SLC4A7: variants seen among roughly 807,000 people sequenced by gnomAD.
The protein encoded by SLC4A7 is sodium bicarbonate cotransporter 3.
In SLC4A7, 51 loss-of-function variants were observed where a neutral mutation model predicts 137.6. The observed-to-expected ratio is 0.37, with a 90% CI of 0.30 to 0.47. SLC4A7 has a LOEUF of 0.47. SLC4A7 is among the 20% of genes least tolerant of loss of function. SLC4A7 has a pLI of 1.00. For missense variants in SLC4A7, 1,247 were observed against 1,525.4 expected, an observed-to-expected ratio of 0.82 and a Z score of 3.04; for synonymous variants, 542 against 518.6, an observed-to-expected ratio of 1.05 and a Z score of -0.61.
At chr3:27,463,734 G>A (rs1013932593) in intron 1 of SLC4A7, among the ~76,000 whole-genome samples, 2 of 152,056 alleles carry the variant, frequency 1.3e-5, no homozygotes, top group Non-Finnish European at 2.9e-5. Context: ...TTTGCAGCGG[G>A]GAAGAGCCTG....
intron 6 of SLC4A7, among the ~76,000 whole-genome samples, chr3:27,432,804 A>G (rs2150379571): frequency 6.6e-6 from 1 of 152,348 alleles, no homozygotes; most frequent in East Asian, 1.9e-4. Context: ...TACGAAGAGT[A>G]AAGACTGAAT....
intron 8 of SLC4A7, 52 bp from the exon 9 acceptor site, chr3:27,421,831 T>C: frequency 7.1e-7 from 1 of 1,417,358 alleles, no homozygotes; most frequent in Non-Finnish European, 9.7e-7. Flanking sequence ...TTTGTAAGAC[T>C]AGAGAGAAAC....
chr3:27,466,405 TC>T (rs2058998823), intron 1 of SLC4A7, among the ~76,000 whole-genome samples: 1 of 147,408 alleles, frequency 6.8e-6, no homozygotes, highest in African/African-American at 2.5e-5. Context: ...TGAGCCGAGA[TC>T]GCGCCACTGC....
intron 2 of SLC4A7, among the ~76,000 whole-genome samples, chr3:27,449,501 A>G (rs1244670436): frequency 2.0e-5 from 3 of 152,022 alleles, no homozygotes; most frequent in Admixed American, 1.3e-4. Flanking sequence ...TGAGAGCTAC[A>G]TTAAATGTAA....
At chr3:27,451,361 T>G (rs2058064585) in intron 2 of SLC4A7, among the ~76,000 whole-genome samples, 1 of 152,060 alleles carries the variant, frequency 6.6e-6, no homozygotes, top group Non-Finnish European at 1.5e-5. Flanking sequence ...AAACACCACT[T>G]TAACCACATG....
chr3:27,391,862 A>T, intron 20 of SLC4A7, 54 bp from the exon 21 acceptor site: 1 of 1,008,794 alleles, frequency 9.9e-7, no homozygotes. Flanking sequence ...AAACAAAAAC[A>T]TAATCAGTGA....
chr3:27,483,988 C>T, intron 1 of SLC4A7, 79 bp downstream of exon 1: 1 of 1,146,760 alleles, frequency 8.7e-7, no homozygotes, highest in Non-Finnish European at 1.1e-6. Context: ...GCCGCGACGC[C>T]CGCCGCGCCC....
chr3:27,392,035 G>A (rs2150086372), intron 20 of SLC4A7, among the ~76,000 whole-genome samples: 1 of 152,252 alleles, frequency 6.6e-6, no homozygotes, highest in South Asian at 2.1e-4. Flanking sequence ...CTTAAGATCA[G>A]GAGTACTGCA....
chr3:27,448,742 C>A lies in SLC4A7; in HGVS notation c.198G>T (p.Arg66=). The change falls in exon 3 of 26, where the codon CGG becomes CGT. Residue 66 remains arginine (R), a synonymous_variant. Transcript: ENST00000454389. The part of the protein sequence containing the change: ...VHVPFSKESR[R]RHRHRGHKHH... The stretch of plus-strand genomic sequence containing the variant: ...GTTTGTGTCCGCGATGCCTATGACG[C>A]CGACGACTCTCTTTACTAAACGGGA... The A allele has an allele frequency of 6.2e-7, 1 of 1,613,378 alleles. No individual in the cohort carries two copies. The highest frequency in any genetic ancestry group is 8.5e-7 in the Non-Finnish European group (1 of 1,179,582).
chr3:27,448,764 G>T lies in SLC4A7; in HGVS notation c.176C>A (p.Pro59Gln). Reference sequence around the variant, plus strand: ...ACGCCGACGACTCTCTTTACTAAACGGGACGTGAACACCAATATATACAGC... The same window carrying T: ...ACGCCGACGACTCTCTTTACTAAACTGGACGTGAACACCAATATATACAGC... Reference protein sequence around the residue: ...HRAVYIGVHVPFSKESRRRHR... With the variant: ...HRAVYIGVHVQFSKESRRRHR... The change falls in exon 3 of 26, where the codon CCG (proline) becomes CAG (glutamine). Residue 59 changes from proline to glutamine, a missense_variant. Around this residue, in one of 6 missense-constraint regions of SLC4A7, gnomAD observed 176 missense variants for 186.4 expected, o/e 0.94. Transcript: ENST00000454389. The T allele has an allele frequency of 6.2e-7, 1 of 1,612,950 alleles. No individual in the cohort carries two copies. The highest frequency in any genetic ancestry group is 2.2e-5 in the East Asian group (1 of 44,810).
In SLC4A7 at chr3:27,393,424, T is replaced by C. The variant is rs144079648; in HGVS notation, c.3117+1094A>G. 4.3e-3 allele frequency among the ~76,000 whole-genome samples: 650 copies of C among 152,294 alleles called. 2 individuals are homozygous for C. The highest frequency in any genetic ancestry group is 0.015 in the African/African-American group (618 of 41,556). ...AGGTAAATAGAGACATTTTGAAATA[T>C]GCAAGAACTCTCAATAAGTTCACCG... On this transcript the variant is annotated intron_variant, in intron 20 of 25. Transcript: ENST00000454389.
intron 3 of SLC4A7, among the ~76,000 whole-genome samples, chr3:27,443,177 C>T (rs929066697): frequency 1.3e-5 from 2 of 151,630 alleles, no homozygotes; most frequent in African/African-American, 2.4e-5. Flanking sequence ...ACTACAGGAA[C>T]GTGCCAAAAC....
intron 1 of SLC4A7, among the ~76,000 whole-genome samples, chr3:27,481,592 T>C (rs183285262): frequency 6.6e-6 from 1 of 152,216 alleles, no homozygotes; most frequent in African/African-American, 2.4e-5. Context: ...ACGCCAATAG[T>C]TCCTCTTTCC....
chr3:27,376,426 T>A lies in SLC4A7; in HGVS notation c.*338A>T, dbSNP rs1335947325. On this transcript the variant is annotated 3_prime_UTR_variant, in exon 26 of 26. Coordinates refer to ENST00000454389, the MANE Select transcript of SLC4A7 (RefSeq NM_001321103.2). ...AAAAATTATAAACATATAAACAAAG[T>A]ATCACTTAAGGTTTTTACGAATTGC... The A allele has an allele frequency of 1.2e-5, 2 of 165,312 alleles. No individual in the cohort carries two copies. Among genetic ancestry groups the A allele is most frequent in the African/African-American group, 4.8e-5 (2 of 41,924 alleles). 10.2% of individuals were successfully genotyped at this position (165,312 alleles called of 1,614,324 possible). A position where few individuals can be genotyped will look rare whatever the true frequency, so the allele number is the denominator to read the frequency against.
At chr3:27,447,798 C>T (rs543025898) in intron 3 of SLC4A7, among the ~76,000 whole-genome samples, 1 of 151,722 alleles carries the variant, frequency 6.6e-6, no homozygotes, top group East Asian at 1.9e-4. Flanking sequence ...AAGTAACAAA[C>T]AAAAAAACCC....
intron 1 of SLC4A7, among the ~76,000 whole-genome samples, chr3:27,467,114 A>G (rs913652727): frequency 2.0e-5 from 3 of 152,182 alleles, no homozygotes; most frequent in Non-Finnish European, 2.9e-5. Context: ...CCAAGGTCCC[A>G]TTGCTTCAGC....
rs746562983 is a variant in SLC4A7, at chr3:27,398,208, C to T, written c.2573G>A (p.Arg858His). Residue 858 changes from arginine to histidine, a missense_variant, in exon 17 of 26, where the codon CGT becomes CAT. Around this residue, in one of 6 missense-constraint regions of SLC4A7, gnomAD observed 499 missense variants for 664.2 expected, o/e 0.75. Coordinates refer to ENST00000454389, the MANE Select transcript of SLC4A7 (RefSeq NM_001321103.2). The stretch of plus-strand genomic sequence containing the variant: ...CACAGTTACCTTGGTAGGAAAGTAA[C>T]GCTTGGTCTTAAATTGCTTGAGGAA... ...SSFLKQFKTK[R>H]YFPTKVRSTI... 1.8e-5 allele frequency: 29 copies of T among 1,609,730 alleles called. No homozygotes were observed. Among genetic ancestry groups the T allele is most frequent in the Middle Eastern group, 3.3e-4 (2 of 6,060 alleles).
chr3:27,413,840 C>G (rs986343268), intron 11 of SLC4A7, among the ~76,000 whole-genome samples: 1 of 152,098 alleles, frequency 6.6e-6, no homozygotes, highest in Non-Finnish European at 1.5e-5. Context: ...TAACACTGTA[C>G]TAGAGATTTT....
chr3:27,481,557 G>A (rs775620698), intron 1 of SLC4A7, among the ~76,000 whole-genome samples: 1 of 152,252 alleles, frequency 6.6e-6, no homozygotes, highest in African/African-American at 2.4e-5. Context: ...ACCAAAACTG[G>A]GTGAGCGAAG....
Sources: gnomAD v4.1 joint callset for allele counts (sites outside exome capture counted in the v4.1 genomes callset) on GRCh38, gnomAD v4.1.1 for gene constraint, gnomAD v4.1.1 regional missense constraint, MANE v1.5 for transcripts, NCBI Gene and HGNC (gene_info 2026-07-23, HGNC 2026-07-21) for gene names.